The following NCOA2 variants were observed in gnomAD, a reference collection of about 807,000 sequenced individuals.
NCOA2 encodes class E basic helix-loop-helix protein 75.
In NCOA2, 21 loss-of-function variants were observed where a neutral mutation model predicts 145.1. The observed-to-expected ratio is 0.14, with a 90% CI of 0.10 to 0.21. NCOA2 has a LOEUF of 0.21. Among genes scored for constraint, NCOA2 ranks in the 10% least tolerant of loss-of-function variants. NCOA2 has a pLI of 1.00. For missense variants in NCOA2, 1,472 were observed against 1,837.6 expected (o/e 0.80, Z 3.64); for synonymous variants, 619 against 637.5 (o/e 0.97, Z 0.44).
chr8:70,436,620 A>G, the NCOA2 span, among the ~76,000 whole-genome samples: 1 of 152,230 alleles, frequency 6.6e-6, no homozygotes, highest in Non-Finnish European at 1.5e-5. Context: ...TATCCACTCC[A>G]TAGAACTACT....
intron 1 of NCOA2, among the ~76,000 whole-genome samples, chr8:70,365,648 T>C (rs1279269057): frequency 2.0e-5 from 3 of 152,228 alleles, no homozygotes; most frequent in African/African-American, 7.2e-5. Flanking sequence ...TATGGTGCCC[T>C]TTTCCAATTA....
intron 2 of NCOA2, among the ~76,000 whole-genome samples, chr8:70,243,791 G>GAAAAAAAAAAAAAA (rs200949977): frequency 1.0e-5 from 1 of 99,532 alleles, no homozygotes; most frequent in Non-Finnish European, 2.4e-5. Context: ...ATAAAAAATG[G>GAAAAAAAAAAAAAA]AAAAAAAAAA....
intron 2 of NCOA2, among the ~76,000 whole-genome samples, chr8:70,240,570 C>T (rs1822038900): frequency 6.6e-6 from 1 of 152,084 alleles, no homozygotes; most frequent in Non-Finnish European, 1.5e-5. Context: ...TGTTGGAACG[C>T]TATAGAGGGT....
At chr8:70,211,245 G>A (rs1214379699) in intron 4 of NCOA2, among the ~76,000 whole-genome samples, 1 of 152,142 alleles carries the variant, frequency 6.6e-6, no homozygotes, top group African/African-American at 2.4e-5. Context: ...CAGATCATGA[G>A]GTCAGGAGTT....
intron 1 of NCOA2, among the ~76,000 whole-genome samples, chr8:70,397,636 C>T (rs1370281800): frequency 6.6e-6 from 1 of 152,172 alleles, no homozygotes; most frequent in African/African-American, 2.4e-5. Flanking sequence ...CGCCTATCAC[C>T]TTCGCCCAAC....
At chr8:70,436,342 G>A in the NCOA2 span, among the ~76,000 whole-genome samples, 1 of 152,164 alleles carries the variant, frequency 6.6e-6, no homozygotes, top group Non-Finnish European at 1.5e-5. Context: ...TATTACATGT[G>A]TGAAAGTTGG....
At position 70,163,051 on chromosome 8, in the gene NCOA2, A is replaced by AT. The variant is rs1009257128; in HGVS notation, c.833-198dup. 8.4e-4 allele frequency among the ~76,000 whole-genome samples: 126 copies of AT among 150,808 alleles called. 1 individual carries two copies. Among genetic ancestry groups the AT allele is most frequent in the African/African-American group, 3.0e-3 (122 of 40,944 alleles). On this transcript the variant is annotated intron_variant, in intron 8 of 22. Coordinates refer to ENST00000452400, the MANE Select transcript of NCOA2 (RefSeq NM_006540.4). ...TGAATCAGATGCCCAAGTAGCTGGG[A>AT]TTACAGGCGTGTACCACCACATTTG... is the stretch of plus-strand genomic sequence containing the variant.
At chr8:70,256,918 A>G (rs1437676703) in intron 2 of NCOA2, among the ~76,000 whole-genome samples, 2 of 152,226 alleles carry the variant, frequency 1.3e-5, no homozygotes, top group South Asian at 2.1e-4. Flanking sequence ...TTAGAGATGA[A>G]AAAACAGTGA....
At chr8:70,392,719 T>C (rs1441403291) in intron 1 of NCOA2, among the ~76,000 whole-genome samples, 1 of 152,238 alleles carries the variant, frequency 6.6e-6, no homozygotes, top group Non-Finnish European at 1.5e-5. Context: ...AGGTTTTCTT[T>C]ACCTTTTCCT....
At chr8:70,390,607 A>C (rs1813108390) in intron 1 of NCOA2, among the ~76,000 whole-genome samples, 1 of 151,952 alleles carries the variant, frequency 6.6e-6, no homozygotes, top group Non-Finnish European at 1.5e-5. Flanking sequence ...TATAGAGAAA[A>C]AAAAAAAAAA....
chr8:70,144,820 C>T lies in NCOA2; in HGVS notation c.2634G>A (p.Leu878=), dbSNP rs779549007. ...AATTCTGGTTTGGCAATAACCTGCC[C>T]AGTTGCCCTGGTCGTGGGTTATTAA... ...STFNNPRPGQ[L]GRLLPNQNLP... The change falls in exon 13 of 23, where the codon CTG becomes CTA. Residue 878 remains leucine (L), a synonymous_variant. Transcript: ENST00000452400. 4.3e-6 allele frequency: 7 copies of T among 1,613,846 alleles called. No individual in the cohort carries two copies. The highest frequency in any genetic ancestry group is 1.3e-5 in the African/African-American group (1 of 74,928).
At chr8:70,359,986 G>GGA (rs1322390609) in intron 1 of NCOA2, among the ~76,000 whole-genome samples, 12 of 152,098 alleles carry the variant, frequency 7.9e-5, no homozygotes, top group Admixed American at 3.3e-4. Flanking sequence ...TAGGCTCTAA[G>GGA]TTTTGCTGCA....
chr8:70,451,233 A>AT, the NCOA2 span, among the ~76,000 whole-genome samples: 216 of 85,686 alleles, frequency 2.5e-3, no homozygotes, highest in East Asian at 6.2e-3. Flanking sequence ...AAAAAAAAAA[A>AT]AAAAATATAT....
intron 12 of NCOA2, among the ~76,000 whole-genome samples, chr8:70,145,152 C>CAT (rs369896981): frequency 2.6e-5 from 4 of 151,062 alleles, no homozygotes; most frequent in African/African-American, 9.9e-5. Flanking sequence ...TTCATTCATT[C>CAT]TCTCTCTCTC....
intron 22 of NCOA2, among the ~76,000 whole-genome samples, chr8:70,116,317 C>A (rs1004942284): frequency 3.9e-5 from 6 of 151,998 alleles, no homozygotes; most frequent in Non-Finnish European, 8.8e-5. Flanking sequence ...TTCGGGAGGC[C>A]GAGGCAGGCG....
chr8:70,340,597 T>C (rs1458350007), intron 1 of NCOA2, among the ~76,000 whole-genome samples: 1 of 152,190 alleles, frequency 6.6e-6, no homozygotes, highest in Non-Finnish European at 1.5e-5. Context: ...CTATTGGGTA[T>C]ACACCCAAAG....
chr8:70,375,369 T>C (rs1811578176), intron 1 of NCOA2, among the ~76,000 whole-genome samples: 1 of 152,178 alleles, frequency 6.6e-6, no homozygotes, highest in Admixed American at 6.5e-5. Context: ...AAGAAAAGCC[T>C]TTGCTTGGCT....
rs1393476337 is a variant in NCOA2 at position 70,133,230 on chromosome 8, A to T, written c.3159-1228T>A. 2.3e-5 allele frequency among the ~76,000 whole-genome samples: 3 copies of T among 132,332 alleles called. No individual in the cohort carries two copies. The South Asian group carries it at 7.0e-4, about 31-fold the overall frequency. 86.8% of individuals were successfully genotyped at this position (132,332 alleles called of 152,430 possible). On this transcript the variant is annotated intron_variant, in intron 15 of 22. Transcript: ENST00000452400. ...TTTTTTTTTTTTTTTTGGTAAAGAC[A>T]GGGTTTCATTATGTTGCCCAGGCTG...
chr8:70,352,050 C>A (rs957554063), intron 1 of NCOA2, among the ~76,000 whole-genome samples: 2 of 151,924 alleles, frequency 1.3e-5, no homozygotes, highest in African/African-American at 4.8e-5. Context: ...CAAGGAATTT[C>A]TACCCATGCA....
Sources: gnomAD v4.1 joint callset for allele counts (sites outside exome capture counted in the v4.1 genomes callset) on GRCh38, gnomAD v4.1.1 for gene constraint, MANE v1.5 for transcripts, NCBI Gene and HGNC (gene_info 2026-07-23, HGNC 2026-07-21) for gene names.